The following CFAP299 variants were observed in gnomAD, a reference collection of about 807,000 sequenced individuals.
CFAP299 encodes the protein cilia- and flagella-associated protein 299.
A neutral mutation model predicts 27.0 loss-of-function variants in CFAP299; 21 were observed. That is an observed-to-expected ratio of 0.78 (90% CI 0.55 to 1.12). The LOEUF is 1.12. Ranked by LOEUF, CFAP299 falls within the 50% of genes most tolerant of loss-of-function variation. The pLI is 0.00. For missense variants in CFAP299, 310 were observed against 276.6 expected (o/e 1.12, Z -0.86); for synonymous variants, 104 against 98.1 (o/e 1.06, Z -0.36).
At chr4:80,642,308 G>C (rs935455173) in intron 3 of CFAP299, among the ~76,000 whole-genome samples, 2 of 152,184 alleles carry the variant, frequency 1.3e-5, no homozygotes, top group African/African-American at 4.8e-5. Context: ...TATCCTGGTT[G>C]TTATGGAAAT....
intron 2 of CFAP299, among the ~76,000 whole-genome samples, chr4:80,464,327 A>C (rs1729605994): frequency 6.6e-6 from 1 of 152,160 alleles, no homozygotes; most frequent in Admixed American, 6.5e-5. Context: ...TTTTCTATGG[A>C]TTTTACTCTT....
chr4:80,871,298 A>C (rs1483621795), intron 4 of CFAP299: 4 of 985,384 alleles, frequency 4.1e-6, no homozygotes, highest in Non-Finnish European at 4.8e-6. Context: ...CCCATTGCCC[A>C]TGTCTTTTTG....
chr4:80,585,726 T>TA (rs1167393100), intron 3 of CFAP299, among the ~76,000 whole-genome samples: 2 of 152,068 alleles, frequency 1.3e-5, no homozygotes, highest in Non-Finnish European at 2.9e-5. Context: ...TGGGGATAAG[T>TA]GTGTCTCCAT....
chr4:80,353,790 C>G (rs1723123730), intron 1 of CFAP299, among the ~76,000 whole-genome samples: 1 of 152,042 alleles, frequency 6.6e-6, no homozygotes, highest in Non-Finnish European at 1.5e-5. Context: ...GAAATCACCT[C>G]TAATATACTT....
chr4:80,534,334 A>C (rs1318658172), intron 2 of CFAP299, among the ~76,000 whole-genome samples: 1 of 150,286 alleles, frequency 6.7e-6, no homozygotes. Flanking sequence ...AAAAAAAAAC[A>C]ACCAAAATTT....
At chr4:80,628,931 A>G (rs1490536328) in intron 3 of CFAP299, among the ~76,000 whole-genome samples, 1 of 152,222 alleles carries the variant, frequency 6.6e-6, no homozygotes, top group Non-Finnish European at 1.5e-5. Flanking sequence ...AAAATTAAAA[A>G]TAAAACTGCC....
intron 3 of CFAP299, among the ~76,000 whole-genome samples, chr4:80,706,126 A>G (rs920201547): frequency 6.6e-6 from 1 of 151,846 alleles, no homozygotes; most frequent in Admixed American, 6.6e-5. Context: ...GGAATGTTCT[A>G]TATTCAGATT....
At chr4:80,562,289 G>A (rs1032161161) in intron 2 of CFAP299, among the ~76,000 whole-genome samples, 5 of 151,962 alleles carry the variant, frequency 3.3e-5, no homozygotes, top group Non-Finnish European at 7.4e-5. Context: ...GCAGGAATAA[G>A]TCCTTACGTA....
At chr4:80,504,499 A>G (rs1474195450) in intron 2 of CFAP299, among the ~76,000 whole-genome samples, 4 of 124,560 alleles carry the variant, frequency 3.2e-5, no homozygotes, top group Admixed American at 2.4e-4. Flanking sequence ...ATATATATAT[A>G]TATATATTTT....
At chr4:80,579,370 A>C (rs1323385049) in intron 2 of CFAP299, among the ~76,000 whole-genome samples, 1 of 152,212 alleles carries the variant, frequency 6.6e-6, no homozygotes, top group Admixed American at 6.6e-5. Context: ...AGACTAAGAA[A>C]TGTGGTCTTT....
chr4:80,338,241 G>T (rs1483378754), intron 1 of CFAP299, among the ~76,000 whole-genome samples: 1 of 152,040 alleles, frequency 6.6e-6, no homozygotes, highest in East Asian at 1.9e-4. Flanking sequence ...ATTGTGGAAT[G>T]GCTAAATCAA....
At chr4:80,539,576 G>A (rs1733903873) in intron 2 of CFAP299, among the ~76,000 whole-genome samples, 1 of 152,134 alleles carries the variant, frequency 6.6e-6, no homozygotes. Context: ...GGTGATACTG[G>A]CTTAGCGTGT....
chr4:80,455,180 T>A (rs997268906), intron 2 of CFAP299, among the ~76,000 whole-genome samples: 1 of 152,214 alleles, frequency 6.6e-6, no homozygotes, highest in Non-Finnish European at 1.5e-5. Context: ...AAAGGCAGTC[T>A]GGTCCCCAGG....
At position 80,488,880 on chromosome 4, in the gene CFAP299, G is replaced by A. The variant is rs183698152; in HGVS notation, c.243-94213G>A. Among the ~76,000 whole-genome samples the A allele has an allele frequency of 2.1e-3, 318 of 152,276 alleles. 2 individuals are homozygous for A. The highest frequency in any genetic ancestry group is 3.9e-3 in the Non-Finnish European group (265 of 68,024). On this transcript the variant is annotated intron_variant, in intron 2 of 5. Transcript: ENST00000358105. ...TCTGGAGTTGGATGGCAAAAAAAAC[G>A]TTTGTGTCTCCCAGCAGTATTCAGA...
At chr4:80,364,875 G>T (rs112102634) in intron 2 of CFAP299, among the ~76,000 whole-genome samples, 1 of 152,132 alleles carries the variant, frequency 6.6e-6, no homozygotes, top group African/African-American at 2.4e-5. Context: ...TTCTGCTCCT[G>T]TGTAAGTTTG....
At chr4:80,536,722 A>G (rs1444692026) in intron 2 of CFAP299, among the ~76,000 whole-genome samples, 2 of 152,134 alleles carry the variant, frequency 1.3e-5, no homozygotes, top group Admixed American at 6.5e-5. Context: ...TCAAAATGAA[A>G]TAAGACTTAA....
intron 3 of CFAP299, among the ~76,000 whole-genome samples, chr4:80,838,880 T>A (rs1191142682): frequency 6.6e-6 from 1 of 152,168 alleles, no homozygotes; most frequent in Non-Finnish European, 1.5e-5. Flanking sequence ...TCTGCTGATT[T>A]TGTTGATATG....
intron 2 of CFAP299, among the ~76,000 whole-genome samples, chr4:80,408,102 T>C (rs1283080656): frequency 1.3e-5 from 2 of 152,210 alleles, no homozygotes; most frequent in African/African-American, 2.4e-5. Flanking sequence ...AGTACTGCCA[T>C]GTACATGTCC....
intron 2 of CFAP299, among the ~76,000 whole-genome samples, chr4:80,498,591 A>T (rs1379368435): frequency 6.6e-6 from 1 of 152,086 alleles, no homozygotes; most frequent in Non-Finnish European, 1.5e-5. Context: ...TAAAAAAAAA[A>T]ATCAGATGAT....
Sources: gnomAD v4.1 joint callset for allele counts (sites outside exome capture counted in the v4.1 genomes callset) on GRCh38, gnomAD v4.1.1 for gene constraint, MANE v1.5 for transcripts, NCBI Gene and HGNC (gene_info 2026-07-23, HGNC 2026-07-21) for gene names.